The following ART3 variants were observed in gnomAD, a reference collection of about 807,000 sequenced individuals.
ART3 encodes the protein ADP-ribosyltransferase 3 (inactive).
In ART3, 49 loss-of-function variants were observed where a neutral mutation model predicts 48.5. The ratio of observed to expected loss-of-function variants is 1.01; its 90% CI spans 0.80 to 1.28. The LOEUF (loss-of-function observed/expected upper bound fraction) is 1.28. ART3 is among the 50% of genes most tolerant of loss of function. ART3 has a pLI of 0.00. For missense variants in ART3, 438 were observed against 454.3 expected (o/e 0.96, Z 0.33); for synonymous variants, 145 against 157.2 (o/e 0.92, Z 0.58).
intron 1 of ART3, among the ~76,000 whole-genome samples, chr4:76,016,086 A>G (rs561154068): frequency 2.0e-5 from 3 of 152,020 alleles, no homozygotes; most frequent in Non-Finnish European, 4.4e-5. Context: ...GAAAGTCTTT[A>G]TTTCTCCTTC....
chr4:76,080,822 T>G (rs2149549133), intron 2 of ART3, among the ~76,000 whole-genome samples: 1 of 152,154 alleles, frequency 6.6e-6, no homozygotes, highest in East Asian at 1.9e-4. Flanking sequence ...TATCCTAATT[T>G]TTTTTAAAAT....
At chr4:76,101,487 G>A (rs1044424809) in intron 8 of ART3, among the ~76,000 whole-genome samples, 1 of 152,060 alleles carries the variant, frequency 6.6e-6, no homozygotes, top group Admixed American at 6.5e-5. Flanking sequence ...TACTCAAATG[G>A]CCGGGCGGGG....
rs200242328 is a variant in ART3 at position 76,082,466 on chromosome 4, G to A, written c.712G>A (p.Ala238Thr). Residue 238 changes from alanine (A) to threonine (T), a missense_variant, in exon 3 of 12, where the codon GCT becomes ACT. By Grantham distance (58) the Ala-to-Thr change is moderately conservative. Transcript: ENST00000355810. ...GGTTTTTCAAGTGTCACAGGAGGGGGCTGGCAATAACCTTATCCTTCAAAG... is the reference window on the plus strand; with the variant it reads ...GGTTTTTCAAGTGTCACAGGAGGGGACTGGCAATAACCTTATCCTTCAAAG... ...NEVFQVSQEG[A>T]GNNLILQSIN... is the part of the protein sequence containing the mutation. 3.2e-5 allele frequency: 52 copies of A among 1,612,650 alleles called. No individual in the cohort carries two copies. In the Middle Eastern group the frequency reaches 1.3e-3, roughly 41 times the overall value.
chr4:76,019,785 AATATCTGTGGT>A (rs1732615196), intron 1 of ART3, among the ~76,000 whole-genome samples: 1 of 151,690 alleles, frequency 6.6e-6, no homozygotes, highest in Non-Finnish European at 1.5e-5. Context: ...CCTATGCAAG[AATATCTGTGGT>A]ATATACATAG....
chr4:76,111,409 T>C (rs1407089337), intron 11 of ART3, among the ~76,000 whole-genome samples: 2 of 152,236 alleles, frequency 1.3e-5, no homozygotes, highest in Admixed American at 6.5e-5. Context: ...GCCAGCCATT[T>C]CAGACAGATA....
At position 76,081,925 on chromosome 4, in the gene ART3, G is replaced by A; in HGVS notation, c.171G>A (p.Lys57=). 6.2e-7 allele frequency: 1 copy of A among 1,614,170 alleles called. No individual in the cohort carries two copies. The highest frequency in any genetic ancestry group is 8.5e-7 in the Non-Finnish European group (1 of 1,180,022). ...MEIKYVPQLL[K]EEKASHQQLD... is the part of the protein sequence containing the mutation. ...TTAAATACGTTCCCCAACTGCTAAA[G>A]GAGGAAAAAGCAAGCCACCAGCAAT... is the stretch of plus-strand genomic sequence containing the variant. Residue 57 remains lysine, a synonymous_variant, in exon 3 of 12, where the codon AAG becomes AAA. Transcript: ENST00000355810.
intron 1 of ART3, among the ~76,000 whole-genome samples, chr4:76,025,853 GA>G (rs1733329641): frequency 6.6e-6 from 1 of 152,088 alleles, no homozygotes; most frequent in Admixed American, 6.6e-5. Context: ...CTGCTACGAA[GA>G]TTTTTTTATA....
intron 3 of ART3, among the ~76,000 whole-genome samples, chr4:76,094,776 G>A (rs558768755): frequency 6.6e-6 from 1 of 152,254 alleles, no homozygotes; most frequent in East Asian, 1.9e-4. Context: ...GAATACTTGA[G>A]GGAAACCCTT....
At chr4:76,083,713 T>C (rs377568076) in intron 3 of ART3, among the ~76,000 whole-genome samples, 9 of 152,196 alleles carry the variant, frequency 5.9e-5, no homozygotes, top group South Asian at 2.1e-4. Context: ...AAAGTAAAAG[T>C]TTTCCCAGAA....
chr4:76,061,176 C>T (rs1719179759), intron 1 of ART3, among the ~76,000 whole-genome samples: 3 of 152,188 alleles, frequency 2.0e-5, no homozygotes, highest in Admixed American at 6.5e-5. Context: ...TGGATAGCTT[C>T]TCTACAGTAT....
chr4:76,069,536 C>T (rs577435386), intron 1 of ART3, among the ~76,000 whole-genome samples: 12 of 151,800 alleles, frequency 7.9e-5, no homozygotes, highest in East Asian at 1.9e-4. Flanking sequence ...ATTACAGGCA[C>T]GCGCCACCAC....
intron 1 of ART3, among the ~76,000 whole-genome samples, chr4:76,020,268 A>G (rs916116445): frequency 4.6e-5 from 7 of 151,938 alleles, no homozygotes; most frequent in African/African-American, 1.5e-4. Context: ...CTAAAAAAAT[A>G]TATTTTTTTT....
chr4:76,031,453 A>T (rs1733864662), intron 1 of ART3, among the ~76,000 whole-genome samples: 1 of 151,546 alleles, frequency 6.6e-6, no homozygotes, highest in Non-Finnish European at 1.5e-5. Flanking sequence ...ATCCCAACTG[A>T]TTTTCCTCCT....
chr4:76,037,463 T>C (rs909276740), intron 1 of ART3, among the ~76,000 whole-genome samples: 13 of 152,172 alleles, frequency 8.5e-5, no homozygotes, highest in African/African-American at 3.1e-4. Context: ...TTTAACTTTT[T>C]GAAGCCATTT....
At chr4:76,092,691 G>A (rs913451323) in intron 3 of ART3, among the ~76,000 whole-genome samples, 18 of 151,700 alleles carry the variant, frequency 1.2e-4, no homozygotes, top group Non-Finnish European at 2.6e-4. Context: ...CATCATATTT[G>A]GAAAGTTGTG....
intron 1 of ART3, chr4:76,021,968 A>T: frequency 6.2e-7 from 1 of 1,605,424 alleles, no homozygotes; most frequent in South Asian, 1.1e-5. Flanking sequence ...GAGAAAGGGG[A>T]TATAAAAGTG....
intron 7 of ART3, 46 bp downstream of exon 7, chr4:76,100,870 A>G (rs755693730): frequency 6.2e-7 from 1 of 1,605,304 alleles, no homozygotes; most frequent in Admixed American, 1.7e-5. Flanking sequence ...TTTACAAGAT[A>G]CCTCCCTTTA....
At chr4:76,019,662 G>T (rs1025488837) in intron 1 of ART3, among the ~76,000 whole-genome samples, 12 of 149,666 alleles carry the variant, frequency 8.0e-5, no homozygotes, top group African/African-American at 3.0e-4. Context: ...CACCATGTTA[G>T]CCAGGATGGT....
intron 1 of ART3, among the ~76,000 whole-genome samples, chr4:76,048,543 G>A (rs189119713): frequency 2.8e-4 from 42 of 151,704 alleles, no homozygotes; most frequent in African/African-American, 8.7e-4. Context: ...AACCCACAAC[G>A]GTCCCTGGAC....
Sources: allele counts gnomAD v4.1 joint callset (sites outside exome capture counted in the v4.1 genomes callset), GRCh38; gene constraint gnomAD v4.1.1; transcripts MANE v1.5; gene names NCBI Gene and HGNC (gene_info 2026-07-23, HGNC 2026-07-21).